ATXN8OS: variants seen among roughly 807,000 people sequenced by gnomAD.
ATXN8OS encodes ATXN8 opposite strand (non-protein coding).
chr13:70,117,346 TTAAA>T (rs1196494792), intron 2 of ATXN8OS, among the ~76,000 whole-genome samples: 2 of 152,056 alleles, frequency 1.3e-5, no homozygotes, highest in Non-Finnish European at 2.9e-5. Flanking sequence ...GTTGTATACT[TTAAA>T]TATATACAAT....
At chr13:70,119,818 G>A (rs1888331853) in intron 2 of ATXN8OS, among the ~76,000 whole-genome samples, 1 of 151,974 alleles carries the variant, frequency 6.6e-6, no homozygotes, top group Non-Finnish European at 1.5e-5. Flanking sequence ...TTCAGACTAT[G>A]TGTATAAAGT....
At chr13:70,119,162 T>A (rs955698234) in intron 2 of ATXN8OS, among the ~76,000 whole-genome samples, 1 of 152,090 alleles carries the variant, frequency 6.6e-6, no homozygotes, top group Non-Finnish European at 1.5e-5. Flanking sequence ...AAACCCTTAC[T>A]CTTATAATAT....
chr13:70,154,275 A>G (rs1388072872), intron 4 of ATXN8OS, among the ~76,000 whole-genome samples: 2 of 152,018 alleles, frequency 1.3e-5, no homozygotes, highest in African/African-American at 4.8e-5. Flanking sequence ...AATTAAATAA[A>G]CCTCCTTTGT....
At chr13:70,135,171 T>A (rs2137486595) in intron 3 of ATXN8OS, among the ~76,000 whole-genome samples, 1 of 152,294 alleles carries the variant, frequency 6.6e-6, no homozygotes, top group African/African-American at 2.4e-5. Flanking sequence ...TTTTGAGTAT[T>A]CCAGAAACCC....
At chr13:70,120,724 T>A (rs886822011) in intron 2 of ATXN8OS, among the ~76,000 whole-genome samples, 17 of 152,122 alleles carry the variant, frequency 1.1e-4, no homozygotes, top group Non-Finnish European at 2.4e-4. Flanking sequence ...ATATACACCA[T>A]GGAATACTAT....
chr13:70,153,843 C>T (rs1888903898), intron 4 of ATXN8OS, among the ~76,000 whole-genome samples: 1 of 151,996 alleles, frequency 6.6e-6, no homozygotes. Flanking sequence ...CTACACCTGT[C>T]CAATTTTTTT....
At chr13:70,132,753 T>C (rs962756018) in intron 3 of ATXN8OS, among the ~76,000 whole-genome samples, 1 of 152,218 alleles carries the variant, frequency 6.6e-6, no homozygotes, top group Non-Finnish European at 1.5e-5. Flanking sequence ...TCATTTTAGA[T>C]AACATGTTAA....
chr13:70,161,559 C>T (rs574250107), intron 4 of ATXN8OS, among the ~76,000 whole-genome samples: 1 of 152,082 alleles, frequency 6.6e-6, no homozygotes, highest in South Asian at 2.1e-4. Flanking sequence ...TCTAAAATAC[C>T]CAACCCACTA....
At chr13:70,162,614 A>G (rs936119284) in intron 4 of ATXN8OS, among the ~76,000 whole-genome samples, 4 of 152,082 alleles carry the variant, frequency 2.6e-5, no homozygotes, top group Admixed American at 1.3e-4. Context: ...CTGTCTTTGC[A>G]GATCCTGTAC....
intron 4 of ATXN8OS, among the ~76,000 whole-genome samples, chr13:70,154,851 T>A (rs1363134802): frequency 6.6e-6 from 1 of 152,232 alleles, no homozygotes; most frequent in African/African-American, 2.4e-5. Context: ...TACAGCTGCC[T>A]GGGCACCATA....
chr13:70,156,216 T>G (rs1239696013), intron 4 of ATXN8OS, among the ~76,000 whole-genome samples: 1 of 150,622 alleles, frequency 6.6e-6, no homozygotes, highest in Non-Finnish European at 1.5e-5. Context: ...CAGACTTGAG[T>G]GAGCACAGGT....
chr13:70,170,096 C>A (rs529095418), exon 5 of ATXN8OS, among the ~76,000 whole-genome samples: 1 of 152,098 alleles, frequency 6.6e-6, no homozygotes, highest in African/African-American at 2.4e-5. Context: ...AGGTGTCCTG[C>A]CTTAGTTCCA....
At chr13:70,171,429 A>G (rs186366546) in exon 5 of ATXN8OS, among the ~76,000 whole-genome samples, 17 of 152,228 alleles carry the variant, frequency 1.1e-4, no homozygotes, top group Admixed American at 9.8e-4. Context: ...TCACTGAGTG[A>G]ATGAGTGGTG....
chr13:70,127,513 T>C (rs930700789), intron 2 of ATXN8OS, among the ~76,000 whole-genome samples: 20 of 152,080 alleles, frequency 1.3e-4, no homozygotes, highest in African/African-American at 4.6e-4. Flanking sequence ...TATATGACCA[T>C]GATTTCTATA....
At chr13:70,164,061 A>ATTC (rs1566620590) in intron 4 of ATXN8OS, among the ~76,000 whole-genome samples, 4 of 41,540 alleles carry the variant, frequency 9.6e-5, no homozygotes, top group South Asian at 9.8e-4. Flanking sequence ...TATTCTTATT[A>ATTC]TTATTATTAT....
At chr13:70,167,962 G>A (rs148869395) in intron 4 of ATXN8OS, among the ~76,000 whole-genome samples, 4 of 151,976 alleles carry the variant, frequency 2.6e-5, no homozygotes, top group African/African-American at 7.2e-5. Context: ...TCCTGACATC[G>A]TGATCCACCC....
chr13:70,107,781 G>C (rs1219118018), exon 1 of ATXN8OS: 15 of 1,118,474 alleles, frequency 1.3e-5, no homozygotes, highest in Non-Finnish European at 1.7e-5. Flanking sequence ...GCGGGGCCCG[G>C]GGGCGGAGGA....
At chr13:70,157,518 G>C (rs1233455249) in intron 4 of ATXN8OS, among the ~76,000 whole-genome samples, 1 of 149,602 alleles carries the variant, frequency 6.7e-6, no homozygotes, top group African/African-American at 2.5e-5. Context: ...GATATCCAGA[G>C]ATTTGCTTGT....
At chr13:70,159,684 T>C (rs1282266226) in intron 4 of ATXN8OS, among the ~76,000 whole-genome samples, 1 of 152,176 alleles carries the variant, frequency 6.6e-6, no homozygotes, top group Non-Finnish European at 1.5e-5. Context: ...TGGCGCTGTC[T>C]TTGTTGTAGC....
Sources: gnomAD v4.1 joint callset for allele counts (sites outside exome capture counted in the v4.1 genomes callset) on GRCh38, gnomAD v4.1.1 for gene constraint, MANE v1.5 for transcripts, NCBI Gene and HGNC (gene_info 2026-07-23, HGNC 2026-07-21) for gene names.